The following MTUS1 variants were observed in gnomAD, a reference collection of about 807,000 sequenced individuals.
MTUS1 encodes microtubule associated scaffold protein 1, also known as microtubule-associated tumor suppressor 1.
Under a neutral mutation model 120.8 loss-of-function variants are expected in MTUS1, and 109 were observed. The ratio of observed to expected loss-of-function variants is 0.90; its 90% CI spans 0.77 to 1.06. The LOEUF is 1.06. Among genes scored for constraint, MTUS1 ranks in the 50% least tolerant of loss-of-function variants. The pLI, the probability that MTUS1 is intolerant of heterozygous loss-of-function variation, is 0.00. For missense variants in MTUS1, 2,210 were observed against 1,486.3 expected (o/e 1.49, Z -8.01); for synonymous variants, 737 against 550.5 (o/e 1.34, Z -4.74).
intron 4 of MTUS1, chr8:17,721,949 C>T: frequency 6.3e-7 from 1 of 1,575,158 alleles, no homozygotes; most frequent in Non-Finnish European, 8.6e-7. Context: ...CAGCCATGTT[C>T]ACTCTCATAT....
rs913583384 is a variant in MTUS1, at chr8:17,720,357, A to G, written c.2449+3315T>C. Among the ~76,000 whole-genome samples the G allele has an allele frequency of 7.9e-5, 12 of 151,832 alleles. No homozygotes were observed. In the East Asian group the frequency reaches 2.3e-3, roughly 29 times the overall value. ...CGAAACTCCATCTAAAAAAAAAAAAAACAAAAAACAAAAAACAAACTAAGG... is the reference window on the plus strand; with the variant it reads ...CGAAACTCCATCTAAAAAAAAAAAAGACAAAAAACAAAAAACAAACTAAGG... On this transcript the variant is annotated intron_variant, in intron 4 of 14. Transcript: ENST00000693296.
chr8:17,754,132 G>T lies in MTUS1; in HGVS notation c.1676C>A (p.Ser559Tyr). Residue 559 changes from serine (S) to tyrosine (Y), a missense_variant, in exon 2 of 15, where the codon TCT (serine) becomes TAT (tyrosine). Transcript: ENST00000693296. ...QQTVLSRTPR[S>Y]DLNADKKAEI... ...TGCTTTTTTGTCTGCATTCAAGTCA[G>T]ATCTCGGTGTTCTGCTCAAGACTGT... The T allele has an allele frequency of 6.2e-7, 1 of 1,613,796 alleles. No homozygotes were observed. The highest frequency in any genetic ancestry group is 8.5e-7 in the Non-Finnish European group (1 of 1,180,016).
At position 17,653,506 on chromosome 8, in the gene MTUS1, A is replaced by G. The variant is rs775354270; in HGVS notation, c.3215-8T>C. ...CATGGCCTTTCTTAATTTCTGGGAA[A>G]ATAAACGGATATTTTTGAGGCAATA... On this transcript the variant is annotated splice_polypyrimidine_tract_variant and splice_region_variant and intron_variant, in intron 10 of 14. Coordinates refer to ENST00000693296, the MANE Select transcript of MTUS1 (RefSeq NM_001363059.2). The G allele has an allele frequency of 3.4e-5, 55 of 1,594,288 alleles. No individual in the cohort carries two copies. The highest frequency in any genetic ancestry group is 3.4e-5 in the Non-Finnish European group (40 of 1,165,440).
At chr8:17,696,904 A>G (rs932842356) in intron 6 of MTUS1, among the ~76,000 whole-genome samples, 6 of 152,214 alleles carry the variant, frequency 3.9e-5, no homozygotes, top group Non-Finnish European at 7.3e-5. Flanking sequence ...AACAGGAAAT[A>G]TTCTTCTAAA....
chr8:17,718,769 G>A (rs1822826639), intron 4 of MTUS1, among the ~76,000 whole-genome samples: 1 of 151,570 alleles, frequency 6.6e-6, no homozygotes, highest in Non-Finnish European at 1.5e-5. Context: ...TTTCCCCATG[G>A]CCAAAGTGTG....
rs757633623 is a variant in MTUS1, at chr8:17,723,853, A to C, written c.2288-20T>G. On this transcript the variant is annotated intron_variant, in intron 3 of 14. Transcript: ENST00000693296. ...GCTTTCCTTGGGGTTTAAAAAAAACAAAAAGTTTCCAGTGCTATTCATCCC... is the reference window on the plus strand; with the variant it reads ...GCTTTCCTTGGGGTTTAAAAAAAACCAAAAGTTTCCAGTGCTATTCATCCC... The C allele has an allele frequency of 2.6e-6, 4 of 1,532,704 alleles. No homozygotes were observed. In the Admixed American group the frequency reaches 8.7e-5, roughly 33 times the overall value. 94.9% of individuals were successfully genotyped at this position (1,532,704 alleles called of 1,614,324 possible).
At chr8:17,770,257 A>G (rs1016364721) in intron 1 of MTUS1, among the ~76,000 whole-genome samples, 3 of 152,194 alleles carry the variant, frequency 2.0e-5, no homozygotes, top group African/African-American at 7.2e-5. Flanking sequence ...AACGTTCTAG[A>G]ATTTAGCCTG....
intron 8 of MTUS1, among the ~76,000 whole-genome samples, chr8:17,662,273 C>G (rs61327899): frequency 0.025 from 3,836 of 150,980 alleles, 172 homozygotes; most frequent in African/African-American, 0.086. Context: ...GAATTTGCAA[C>G]AAGCAAGCAT....
intron 1 of MTUS1, among the ~76,000 whole-genome samples, chr8:17,769,918 AC>A: frequency 1.8e-5 from 1 of 55,754 alleles, no homozygotes; most frequent in Non-Finnish European, 3.4e-5. Context: ...ACACACACAC[AC>A]ACACACACGG....
intron 1 of MTUS1, among the ~76,000 whole-genome samples, chr8:17,798,402 G>A (rs1052288805): frequency 2.0e-5 from 3 of 151,560 alleles, no homozygotes; most frequent in Non-Finnish European, 2.9e-5. Flanking sequence ...GAGTGATCTC[G>A]GCTCACTGCA....
At chr8:17,747,811 T>C (rs930364264) in intron 2 of MTUS1, among the ~76,000 whole-genome samples, 1 of 152,098 alleles carries the variant, frequency 6.6e-6, no homozygotes, top group African/African-American at 2.4e-5. Flanking sequence ...GAGGTTTAAT[T>C]GGACTTAAGA....
chr8:17,663,266 G>T (rs996506254), intron 8 of MTUS1, among the ~76,000 whole-genome samples: 1 of 152,166 alleles, frequency 6.6e-6, no homozygotes, highest in Non-Finnish European at 1.5e-5. Context: ...TCTCAGAGGG[G>T]AAGGTCAGAC....
chr8:17,742,269 G>GTTTTTGTTT (rs1554516813), intron 3 of MTUS1, among the ~76,000 whole-genome samples: 1 of 94,894 alleles, frequency 1.1e-5, no homozygotes, highest in South Asian at 3.8e-4. Context: ...ATGCCCAGCT[G>GTTTTTGTTT]TTTTTTTTTT....
intron 8 of MTUS1, among the ~76,000 whole-genome samples, chr8:17,656,400 T>TACCATTCTCTACCGA: frequency 6.6e-6 from 1 of 151,848 alleles, no homozygotes; most frequent in African/African-American, 2.4e-5. Flanking sequence ...TGGTAGCAGG[T>TACCATTCTCTACCGA]GCCTGTAATC....
intron 3 of MTUS1, 84 bp downstream of exon 3, chr8:17,743,520 G>T: frequency 1.5e-6 from 2 of 1,310,850 alleles, no homozygotes; most frequent in South Asian, 1.4e-5. Flanking sequence ...CTGCTTTAGT[G>T]ACAGAAGGCA....
chr8:17,678,303 C>T (rs1813528131), intron 7 of MTUS1, among the ~76,000 whole-genome samples: 1 of 152,114 alleles, frequency 6.6e-6, no homozygotes, highest in Non-Finnish European at 1.5e-5. Context: ...TCTTAACCGT[C>T]TAGATAACAG....
intron 1 of MTUS1, among the ~76,000 whole-genome samples, chr8:17,797,043 T>C (rs1034729733): frequency 4.6e-5 from 7 of 151,266 alleles, no homozygotes; most frequent in African/African-American, 1.7e-4. Flanking sequence ...ACCTGAGAGG[T>C]GGGGGTTGCA....
At chr8:17,798,582 T>G (rs1474805844) in intron 1 of MTUS1, among the ~76,000 whole-genome samples, 1 of 152,234 alleles carries the variant, frequency 6.6e-6, no homozygotes, top group African/African-American at 2.4e-5. Context: ...TCCGCCCGCC[T>G]TGGCTTCCCA....
intron 6 of MTUS1, chr8:17,697,863 G>C (rs1357898483): frequency 3.1e-6 from 1 of 320,088 alleles, no homozygotes; most frequent in Non-Finnish European, 4.5e-6. Context: ...AGGATTTCCT[G>C]AAAGTAAACT....
Sources: allele counts gnomAD v4.1 joint callset (sites outside exome capture counted in the v4.1 genomes callset), GRCh38; gene constraint gnomAD v4.1.1; transcripts MANE v1.5; gene names NCBI Gene and HGNC (gene_info 2026-07-23, HGNC 2026-07-21).